PRKD1: variants seen among roughly 807,000 people sequenced by gnomAD.
PRKD1 encodes serine/threonine-protein kinase D1.
In PRKD1, 63 loss-of-function variants were observed where a neutral mutation model predicts 95.9. That is an observed-to-expected ratio of 0.66 (90% CI 0.54 to 0.81). The LOEUF (loss-of-function observed/expected upper bound fraction) is 0.81. Among genes scored for constraint, PRKD1 ranks in the 30% least tolerant of loss-of-function variants. The probability of loss-of-function intolerance (pLI) is 0.00; values close to 1 mark genes in which losing one functional copy is unlikely to be tolerated. For missense variants in PRKD1, 1,048 were observed against 1,165.3 expected, an observed-to-expected ratio of 0.90 and a Z score of 1.47; for synonymous variants, 425 against 423.1, an observed-to-expected ratio of 1.00 and a Z score of -0.05.
At chr14:29,732,658 T>A (rs2139413067) in intron 1 of PRKD1, among the ~76,000 whole-genome samples, 1 of 152,326 alleles carries the variant, frequency 6.6e-6, no homozygotes, top group Middle Eastern at 3.4e-3. Context: ...TGGCAAACAC[T>A]TTTCTCAGAT....
intron 13 of PRKD1, among the ~76,000 whole-genome samples, chr14:29,606,228 G>A (rs1267899490): frequency 2.0e-5 from 3 of 152,262 alleles, no homozygotes; most frequent in Non-Finnish European, 2.9e-5. Context: ...AGCCAGGCTG[G>A]TCACAAACTC....
intron 2 of PRKD1, among the ~76,000 whole-genome samples, chr14:29,713,604 A>T (rs1012361238): frequency 6.6e-6 from 1 of 152,198 alleles, no homozygotes; most frequent in African/African-American, 2.4e-5. Context: ...ACCAAAACTT[A>T]CACCATGTAT....
At chr14:29,910,605 T>C (rs560203247) in intron 1 of PRKD1, among the ~76,000 whole-genome samples, 2 of 152,248 alleles carry the variant, frequency 1.3e-5, no homozygotes, top group East Asian at 3.9e-4. Flanking sequence ...TCAATAGTCT[T>C]TCATGTAGAT....
At chr14:29,794,685 C>T (rs1889730453) in intron 1 of PRKD1, among the ~76,000 whole-genome samples, 1 of 152,004 alleles carries the variant, frequency 6.6e-6, no homozygotes, top group Admixed American at 6.6e-5. Flanking sequence ...CTTCCCTTCC[C>T]TCCCCTCTTA....
chr14:29,832,208 A>G (rs368980856), intron 1 of PRKD1, among the ~76,000 whole-genome samples: 12 of 152,208 alleles, frequency 7.9e-5, no homozygotes, highest in African/African-American at 2.7e-4. Context: ...CCACCCCACC[A>G]CCACCACCAA....
chr14:29,759,043 CG>C (rs1887845165), intron 1 of PRKD1, among the ~76,000 whole-genome samples: 1 of 152,124 alleles, frequency 6.6e-6, no homozygotes, highest in South Asian at 2.1e-4. Context: ...AAACAGTGTC[CG>C]TTACTCACAT....
chr14:29,757,435 T>C (rs1197809016), intron 1 of PRKD1, among the ~76,000 whole-genome samples: 1 of 152,068 alleles, frequency 6.6e-6, no homozygotes, highest in African/African-American at 2.4e-5. Flanking sequence ...GTTTGAAGCA[T>C]GACATGTAGC....
At chr14:29,730,216 T>C (rs926048415) in intron 1 of PRKD1, among the ~76,000 whole-genome samples, 5 of 151,684 alleles carry the variant, frequency 3.3e-5, no homozygotes, top group African/African-American at 4.8e-5. Context: ...ATATGAAAAA[T>C]AGACATTTCT....
intron 16 of PRKD1, among the ~76,000 whole-genome samples, chr14:29,592,236 T>C (rs1444845036): frequency 1.3e-5 from 2 of 151,890 alleles, no homozygotes; most frequent in East Asian, 1.9e-4. Flanking sequence ...AAATGAAATA[T>C]GGTAGAACAT....
chr14:29,905,445 A>C (rs2139436188), intron 1 of PRKD1, among the ~76,000 whole-genome samples: 1 of 152,212 alleles, frequency 6.6e-6, no homozygotes, highest in Middle Eastern at 3.4e-3. Flanking sequence ...TAGGTAAAAT[A>C]TATACTTGAT....
intron 9 of PRKD1, 56 bp downstream of exon 9, chr14:29,632,813 T>A: frequency 6.8e-7 from 1 of 1,469,878 alleles, no homozygotes; most frequent in Admixed American, 1.7e-5. Context: ...ATACTCTACA[T>A]TCCCATGAAA....
At chr14:29,655,677 A>G (rs1232954731) in intron 4 of PRKD1, among the ~76,000 whole-genome samples, 1 of 152,204 alleles carries the variant, frequency 6.6e-6, no homozygotes, top group African/African-American at 2.4e-5. Flanking sequence ...TGCTTAAAAT[A>G]GAAAAAAGGC....
chr14:29,763,092 C>T (rs2139493622), intron 1 of PRKD1, among the ~76,000 whole-genome samples: 1 of 135,872 alleles, frequency 7.4e-6, no homozygotes, highest in East Asian at 2.1e-4. Flanking sequence ...AGTTGGAGAC[C>T]TGGGCAACAC....
At chr14:29,903,698 G>C (rs1355452828) in intron 1 of PRKD1, among the ~76,000 whole-genome samples, 1 of 152,050 alleles carries the variant, frequency 6.6e-6, no homozygotes, top group African/African-American at 2.4e-5. Flanking sequence ...AGGAGAAAGG[G>C]ATAAAGGGGT....
chr14:29,724,275 A>C (rs147765924), intron 2 of PRKD1, among the ~76,000 whole-genome samples: 1 of 152,324 alleles, frequency 6.6e-6, no homozygotes, highest in East Asian at 1.9e-4. Flanking sequence ...GACACAAGGC[A>C]AAAGGACTCA....
intron 1 of PRKD1, among the ~76,000 whole-genome samples, chr14:29,771,657 G>A (rs1481452032): frequency 6.6e-6 from 1 of 152,146 alleles, no homozygotes; most frequent in Non-Finnish European, 1.5e-5. Context: ...GCACCCACAA[G>A]AACTCAGAAC....
At chr14:29,725,703 A>G (rs756896496) in intron 1 of PRKD1, 29 bp from the exon 2 acceptor site, 2 of 1,600,868 alleles carry the variant, frequency 1.2e-6, no homozygotes, top group Non-Finnish European at 1.7e-6. Flanking sequence ...TGAGAGTGTA[A>G]ATGTCAAAAT....
intron 4 of PRKD1, among the ~76,000 whole-genome samples, chr14:29,644,225 A>G (rs1356181022): frequency 1.3e-5 from 2 of 152,230 alleles, no homozygotes; most frequent in African/African-American, 4.8e-5. Context: ...TTTCAGTTTT[A>G]AGATGGGACA....
Position 29,927,541 on chromosome 14 carries a change from G to A in PRKD1, c.-29C>T. 1 of 1,147,508 alleles carries A rather than the reference G, an allele frequency of 8.7e-7. No homozygotes were observed. Among genetic ancestry groups the A allele is most frequent in the Non-Finnish European group, 1.1e-6 (1 of 934,440 alleles). The allele number at this position is 1,147,508 out of a possible 1,614,324, so 71.1% of individuals were successfully genotyped here. A position where few individuals can be genotyped will look rare whatever the true frequency, so the allele number is the denominator to read the frequency against. On this transcript the variant is annotated 5_prime_UTR_variant, in exon 1 of 18. Transcript: ENST00000331968. ...TCGGCGGGGCGCAGGGCCGGGCAGC[G>A]GAGGGCGGGGGCTGGCGGCGCGGCA...
Sources: gnomAD v4.1 joint callset for allele counts (sites outside exome capture counted in the v4.1 genomes callset) on GRCh38, gnomAD v4.1.1 for gene constraint, MANE v1.5 for transcripts, NCBI Gene and HGNC (gene_info 2026-07-23, HGNC 2026-07-21) for gene names.